The following ZNF407 variants were observed in gnomAD, a reference collection of about 807,000 sequenced individuals.
The protein encoded by ZNF407 is zinc finger protein 407.
A neutral mutation model predicts 131.2 loss-of-function variants in ZNF407; 17 were observed. That is an observed-to-expected ratio of 0.13 (90% CI 0.09 to 0.19). ZNF407 has a LOEUF of 0.19. ZNF407 is among the 10% of genes least tolerant of loss of function. ZNF407 has a pLI of 1.00. For synonymous variants in ZNF407, 1,156 were observed against 1,062.0 expected (o/e 1.09, Z -1.72); for missense variants, 2,681 against 2,830.6 (o/e 0.95, Z 1.20).
intron 3 of ZNF407, among the ~76,000 whole-genome samples, chr18:74,648,307 G>A (rs529129461): frequency 3.3e-5 from 5 of 152,110 alleles, no homozygotes; most frequent in Admixed American, 6.5e-5. Context: ...GGATGTGCAC[G>A]AACTACAGGG....
chr18:74,949,306 G>T (rs912779377), intron 8 of ZNF407, among the ~76,000 whole-genome samples: 1 of 152,160 alleles, frequency 6.6e-6, no homozygotes, highest in Non-Finnish European at 1.5e-5. Context: ...TCATGGTCAG[G>T]ATTCAGGGGA....
intron 3 of ZNF407, among the ~76,000 whole-genome samples, chr18:74,669,502 C>G (rs971032748): frequency 6.6e-6 from 1 of 152,166 alleles, no homozygotes; most frequent in African/African-American, 2.4e-5. Context: ...CTCAGGCTCT[C>G]CTTTTGGGGG....
intron 8 of ZNF407, among the ~76,000 whole-genome samples, chr18:74,926,082 A>G (rs1334350620): frequency 6.6e-6 from 1 of 152,146 alleles, no homozygotes. Context: ...CCTTGGGTTA[A>G]TTTACTATTT....
intron 8 of ZNF407, among the ~76,000 whole-genome samples, chr18:74,999,794 A>C (rs564771306): frequency 6.6e-6 from 1 of 152,346 alleles, no homozygotes; most frequent in African/African-American, 2.4e-5. Flanking sequence ...AGATGACTGC[A>C]TTTCAACATT....
At chr18:74,666,349 G>T (rs925036750) in intron 3 of ZNF407, among the ~76,000 whole-genome samples, 2 of 152,134 alleles carry the variant, frequency 1.3e-5, no homozygotes, top group Admixed American at 6.5e-5. Context: ...GAAGTGGGTG[G>T]GCCCGAGGTT....
At chr18:74,935,050 C>T (rs1185954612) in intron 8 of ZNF407, among the ~76,000 whole-genome samples, 5 of 152,080 alleles carry the variant, frequency 3.3e-5, no homozygotes, top group African/African-American at 9.7e-5. Flanking sequence ...TATGTGACCT[C>T]GATTCTTGGC....
intron 1 of ZNF407, among the ~76,000 whole-genome samples, chr18:74,626,871 G>T (rs541592809): frequency 3.3e-5 from 5 of 152,328 alleles, no homozygotes; most frequent in African/African-American, 9.6e-5. Context: ...GGAGGGACCA[G>T]CTGCGAAGGT....
chr18:75,048,205 C>T lies in ZNF407; in HGVS notation c.5429-14945C>T, dbSNP rs765719381. Among the ~76,000 whole-genome samples, 11 of 152,308 alleles carry T rather than the reference C, an allele frequency of 7.2e-5. No individual in the cohort carries two copies. Among genetic ancestry groups the T allele is most frequent in the Middle Eastern group, 6.8e-3 (2 of 294 alleles). ...GTCTCCCGGTGACCTGTACAGACAC[C>T]GCCCTTTTTGCTCTCAATGGTATTC... On this transcript the variant is annotated intron_variant, in intron 8 of 8. Transcript: ENST00000299687. The surrounding 1 kb of genome is among the most constrained non-coding windows in gnomAD (Gnocchi z 4.1).
Position 74,706,706 on chromosome 18 carries a change from G to A in ZNF407, c.4802+65584G>A, listed in dbSNP as rs963675743. On this transcript the variant is annotated intron_variant, in intron 3 of 8. Transcript: ENST00000299687. The stretch of plus-strand genomic sequence containing the variant: ...AAAATAAAGCAAAGGGATTGAGAGT[G>A]ATTGGGGATAGGGATGGTTCTTATT... Among the ~76,000 whole-genome samples the A allele has an allele frequency of 1.4e-4, 21 of 152,190 alleles. 1 individual carries two copies. Among genetic ancestry groups the A allele is most frequent in the African/African-American group, 5.1e-4 (21 of 41,454 alleles).
intron 3 of ZNF407, among the ~76,000 whole-genome samples, chr18:74,736,151 C>T (rs1192322427): frequency 6.6e-6 from 1 of 152,116 alleles, no homozygotes; most frequent in Non-Finnish European, 1.5e-5. Context: ...GTGTTTCACT[C>T]ACCTTAATTT....
In ZNF407 at chr18:74,793,388, T is replaced by A. The variant is rs186903863; in HGVS notation, c.4877+11886T>A. Among the ~76,000 whole-genome samples the A allele has an allele frequency of 4.0e-3, 610 of 152,348 alleles. 3 individuals are homozygous for A. The highest frequency in any genetic ancestry group is 9.5e-3 in the South Asian group (46 of 4,828). ...TAAATGAATAAATAAGGTAGTTTTG[T>A]GTCTTGAGGCGTGATCATGATTTCT... On this transcript the variant is annotated intron_variant, in intron 4 of 8. Transcript: ENST00000299687.
At chr18:75,042,525 T>A (rs867966216) in intron 8 of ZNF407, among the ~76,000 whole-genome samples, 1 of 152,112 alleles carries the variant, frequency 6.6e-6, no homozygotes, top group Non-Finnish European at 1.5e-5. Context: ...TCCACAGCAT[T>A]TTTGACAGGA....
chr18:74,796,203 A>G (rs567307894), intron 4 of ZNF407, among the ~76,000 whole-genome samples: 2 of 152,392 alleles, frequency 1.3e-5, no homozygotes, highest in African/African-American at 4.8e-5. Context: ...AGTACTGAAT[A>G]TAATAGAACT....
At chr18:75,000,210 T>C (rs1182042995) in intron 8 of ZNF407, among the ~76,000 whole-genome samples, 1 of 152,204 alleles carries the variant, frequency 6.6e-6, no homozygotes, top group East Asian at 1.9e-4. Flanking sequence ...GAGAGCGATG[T>C]TTTTACTGGA....
chr18:74,958,127 C>T (rs114439582), intron 8 of ZNF407, among the ~76,000 whole-genome samples: 1,659 of 152,256 alleles, frequency 0.011, 33 homozygotes, highest in African/African-American at 0.037. Context: ...AGACTCTGGA[C>T]GTCTTTGAGT....
intron 1 of ZNF407, among the ~76,000 whole-genome samples, chr18:74,627,217 T>C (rs1983822059): frequency 6.6e-6 from 1 of 152,230 alleles, no homozygotes; most frequent in Non-Finnish European, 1.5e-5. Flanking sequence ...CAGAAGCAGC[T>C]GCCCTGGGTT....
chr18:74,762,089 C>A (rs1312009365), intron 3 of ZNF407, among the ~76,000 whole-genome samples: 1 of 151,920 alleles, frequency 6.6e-6, no homozygotes, highest in Non-Finnish European at 1.5e-5. Flanking sequence ...TAGGCTTTTC[C>A]AGGTAGTTGC....
intron 4 of ZNF407, among the ~76,000 whole-genome samples, chr18:74,839,788 T>TA (rs1170100331): frequency 1.3e-5 from 2 of 152,146 alleles, no homozygotes; most frequent in Non-Finnish European, 2.9e-5. Flanking sequence ...ATGAAGATTT[T>TA]ACCAAGAGAT....
chr18:74,719,780 AT>A (rs1386199569), intron 3 of ZNF407, among the ~76,000 whole-genome samples: 1 of 152,038 alleles, frequency 6.6e-6, no homozygotes, highest in Non-Finnish European at 1.5e-5. Flanking sequence ...TTTCTGGCTT[AT>A]TTCACTTAAC....
Sources: allele counts gnomAD v4.1 joint callset (sites outside exome capture counted in the v4.1 genomes callset), GRCh38; gene constraint gnomAD v4.1.1; non-coding constraint Gnocchi (gnomAD v3.1); transcripts MANE v1.5; gene names NCBI Gene and HGNC (gene_info 2026-07-23, HGNC 2026-07-21).